The following ACTR3 variants were observed in gnomAD, a reference collection of about 807,000 sequenced individuals.
ACTR3 encodes actin related protein 3.
In ACTR3, 12 loss-of-function variants were observed where a neutral mutation model predicts 56.8. That is an observed-to-expected ratio of 0.21 (90% CI 0.14 to 0.34). The LOEUF (loss-of-function observed/expected upper bound fraction) is 0.34. Ranked by LOEUF, ACTR3 falls within the 10% of genes least tolerant of loss-of-function variation. The pLI, the probability that ACTR3 is intolerant of heterozygous loss-of-function variation, is 1.00. For synonymous variants in ACTR3, 162 were observed against 167.4 expected (o/e 0.97, Z 0.25); for missense variants, 282 against 512.5 (o/e 0.55, Z 4.34).
At chr2:113,896,605 G>A (rs1679013080) in intron 1 of ACTR3, among the ~76,000 whole-genome samples, 1 of 152,226 alleles carries the variant, frequency 6.6e-6, no homozygotes, top group African/African-American at 2.4e-5. Flanking sequence ...TAAAAATACA[G>A]GACCTTTGGG....
At chr2:113,912,769 A>G (rs1252613732) in intron 1 of ACTR3, among the ~76,000 whole-genome samples, 1 of 152,206 alleles carries the variant, frequency 6.6e-6, no homozygotes, top group Non-Finnish European at 1.5e-5. Context: ...ATTGTTTCCT[A>G]TCACTATACT....
intron 6 of ACTR3, among the ~76,000 whole-genome samples, chr2:113,938,677 T>C (rs1679870893): frequency 6.6e-6 from 1 of 152,100 alleles, no homozygotes; most frequent in Non-Finnish European, 1.5e-5. Context: ...GTCTACTTTT[T>C]TCTAGAGGTC....
At chr2:113,894,188 G>A (rs7580099) in intron 1 of ACTR3, among the ~76,000 whole-genome samples, 8,828 of 151,958 alleles carry the variant, frequency 0.058, 754 homozygotes, top group African/African-American at 0.18. Context: ...CTGCCTCCTG[G>A]GTTCAGGTGA....
At position 113,934,493 on chromosome 2, in the gene ACTR3, A is replaced by G. The variant is rs533340803; in HGVS notation, c.540+107A>G. ...TAAAAAACTTTAAATGCTGCACTAT[A>G]ATTTGGCCATTTGTCCAGTTATAGC... On this transcript the variant is annotated intron_variant, in intron 6 of 11. Coordinates refer to ENST00000263238, the MANE Select transcript of ACTR3 (RefSeq NM_005721.5). 8.4e-6 allele frequency: 6 copies of G among 712,178 alleles called. No homozygotes were observed. In the South Asian group the frequency reaches 1.6e-4, roughly 19 times the overall value. 44.1% of individuals were successfully genotyped at this position (712,178 alleles called of 1,614,324 possible). A position where few individuals can be genotyped will look rare whatever the true frequency, so the allele number is the denominator to read the frequency against.
intron 8 of ACTR3, among the ~76,000 whole-genome samples, chr2:113,945,843 G>GTACATGTT (rs1427108615): frequency 3.3e-5 from 5 of 152,204 alleles, no homozygotes; most frequent in African/African-American, 1.2e-4. Flanking sequence ...CCCTCCGTAT[G>GTACATGTT]TACATGTTTA....
At chr2:113,901,226 G>C (rs576109666) in intron 1 of ACTR3, among the ~76,000 whole-genome samples, 128 of 152,338 alleles carry the variant, frequency 8.4e-4, no homozygotes, top group African/African-American at 3.0e-3. Flanking sequence ...GCTGAGGCAG[G>C]AGAATTGCTT....
intron 11 of ACTR3, 99 bp from the exon 12 acceptor site, chr2:113,957,261 A>T (rs1439153244): frequency 6.3e-6 from 5 of 794,968 alleles, no homozygotes; most frequent in Non-Finnish European, 8.2e-6. Flanking sequence ...TTTTAGACTT[A>T]ACATCTATTT....
chr2:113,924,292 G>C (rs1679576497), intron 3 of ACTR3, among the ~76,000 whole-genome samples: 2 of 151,550 alleles, frequency 1.3e-5, no homozygotes, highest in South Asian at 4.2e-4. Context: ...GCCTAGGCTG[G>C]TCTCAAACTC....
intron 5 of ACTR3, among the ~76,000 whole-genome samples, chr2:113,932,399 C>T (rs561692645): frequency 6.6e-6 from 1 of 152,192 alleles, no homozygotes; most frequent in South Asian, 2.1e-4. Context: ...TGCTTCTCAT[C>T]CTATGTTAAA....
chr2:113,932,432 A>G (rs73957427), intron 5 of ACTR3, among the ~76,000 whole-genome samples: 5,135 of 152,260 alleles, frequency 0.034, 317 homozygotes, highest in African/African-American at 0.12. Context: ...ATGTTTAACC[A>G]TATTGTCAGG....
intron 6 of ACTR3, among the ~76,000 whole-genome samples, chr2:113,939,184 C>T (rs953895228): frequency 1.3e-4 from 19 of 151,790 alleles, no homozygotes; most frequent in South Asian, 1.0e-3. Context: ...CCACCATGCC[C>T]GGCTAATTTT....
At chr2:113,908,658 C>T (rs2104589452) in intron 1 of ACTR3, among the ~76,000 whole-genome samples, 1 of 151,880 alleles carries the variant, frequency 6.6e-6, no homozygotes, top group Middle Eastern at 3.4e-3. Flanking sequence ...AATGTATTTT[C>T]TGTACGCTTA....
chr2:113,928,773 A>G (rs549324869), intron 4 of ACTR3, among the ~76,000 whole-genome samples: 27 of 152,180 alleles, frequency 1.8e-4, no homozygotes, highest in East Asian at 5.8e-4. Context: ...GATTTGTCCA[A>G]TCTTTGTCAG....
chr2:113,953,502 C>G (rs989535047), intron 10 of ACTR3: 2 of 152,122 alleles, frequency 1.3e-5, no homozygotes, highest in Non-Finnish European at 1.5e-5. Context: ...TAGGAAAAAC[C>G]TTGTGTTTTG....
At chr2:113,912,149 TACA>T (rs1358772845) in intron 1 of ACTR3, among the ~76,000 whole-genome samples, 11 of 152,224 alleles carry the variant, frequency 7.2e-5, no homozygotes, top group African/African-American at 2.6e-4. Flanking sequence ...GTGCTAGTGT[TACA>T]GGTGTGAGCC....
chr2:113,942,095 TATTGGA>T, intron 7 of ACTR3, 85 bp from the exon 8 acceptor site: 1 of 1,004,732 alleles, frequency 1.0e-6, no homozygotes, highest in Non-Finnish European at 1.4e-6. Flanking sequence ...TTTTTTTTTT[TATTGGA>T]TTATAGTTTA....
At chr2:113,908,156 C>T (rs57443397) in intron 1 of ACTR3, among the ~76,000 whole-genome samples, 1 of 151,282 alleles carries the variant, frequency 6.6e-6, no homozygotes, top group Non-Finnish European at 1.5e-5. Flanking sequence ...CTTTGTGTCA[C>T]TGAAAAACAA....
At chr2:113,916,316 G>T (rs1436236281) in intron 2 of ACTR3, among the ~76,000 whole-genome samples, 2 of 152,030 alleles carry the variant, frequency 1.3e-5, no homozygotes, top group African/African-American at 2.4e-5. Flanking sequence ...AATTATTTAA[G>T]GATATTGTTG....
intron 6 of ACTR3, among the ~76,000 whole-genome samples, chr2:113,935,064 GTTTAATGCA>G (rs1247292067): frequency 6.7e-6 from 1 of 150,334 alleles, no homozygotes; most frequent in African/African-American, 2.4e-5. Context: ...TCACTCCAGT[GTTTAATGCA>G]TCAGGCAATG....
Sources: allele counts gnomAD v4.1 joint callset (sites outside exome capture counted in the v4.1 genomes callset), GRCh38; gene constraint gnomAD v4.1.1; transcripts MANE v1.5; gene names NCBI Gene and HGNC (gene_info 2026-07-23, HGNC 2026-07-21).